MORC4: variants seen among roughly 807,000 people sequenced by gnomAD.
MORC4 encodes MORC family CW-type zinc finger 4, also known as MORC family CW-type zinc finger protein 4.
In MORC4, 22 loss-of-function variants were observed where a neutral mutation model predicts 65.5. That is an observed-to-expected ratio of 0.34 (90% CI 0.24 to 0.48). MORC4 has a LOEUF of 0.48. Among genes scored for constraint, MORC4 ranks in the 20% least tolerant of loss-of-function variants. MORC4 has a pLI of 0.99. For synonymous variants in MORC4, 267 were observed against 255.8 expected (o/e 1.04, Z -0.42); for missense variants, 624 against 703.0 (o/e 0.89, Z 1.27).
rs202090135 is a variant in MORC4 at position 106,986,166 on chromosome X, G to T, written c.343C>A (p.Gln115Lys). ...GFTDKVIKKS[Q>K]CPIGVFGNGF... ...TTACCAAAGACCCCAATGGGACACT[G>T]GCTCTTCTTTATTACTTTATCTGTA... The change falls in exon 4 of 17, where the codon CAG becomes AAG. Residue 115 changes from glutamine (Q) to lysine (K), a missense_variant. Transcript: ENST00000355610. The T allele has an allele frequency of 6.3e-5, 76 of 1,205,597 alleles. No individual in the cohort carries two copies. Among genetic ancestry groups the T allele is most frequent in the Middle Eastern group, 4.7e-4 (2 of 4,240 alleles).
intron 14 of MORC4, among the ~76,000 whole-genome samples, chrX:106,949,404 C>T (rs1406157770): frequency 3.6e-5 from 4 of 112,017 alleles, no homozygotes; most frequent in Non-Finnish European, 7.5e-5. Flanking sequence ...TATTGCTGTT[C>T]CTCCCCACCC....
intron 3 of MORC4, among the ~76,000 whole-genome samples, chrX:106,988,884 T>C (rs921539564): frequency 1.2e-4 from 13 of 111,555 alleles, no homozygotes; most frequent in African/African-American, 3.9e-4. Flanking sequence ...TCCAGAGAGG[T>C]AAATTTAAAT....
At chrX:106,953,168 G>C (rs1934018218) in intron 14 of MORC4, among the ~76,000 whole-genome samples, 1 of 111,885 alleles carries the variant, frequency 8.9e-6, no homozygotes, top group South Asian at 3.7e-4. Flanking sequence ...AATTCCAATA[G>C]AGACTGATGA....
At chrX:106,969,715 T>G (rs1934461817) in intron 9 of MORC4, among the ~76,000 whole-genome samples, 1 of 111,726 alleles carries the variant, frequency 9.0e-6, no homozygotes, top group African/African-American at 3.3e-5. Context: ...GCAAATAAAC[T>G]AGAAAATCTA....
At chrX:106,993,077 T>C (rs1260091489) in intron 3 of MORC4, among the ~76,000 whole-genome samples, 153 bp downstream of exon 3, 2 of 113,114 alleles carry the variant, frequency 1.8e-5, no homozygotes, top group Non-Finnish European at 3.7e-5. Flanking sequence ...AGGAACAGTA[T>C]TTGTTTCATA....
chrX:106,996,170 CTT>C (rs1413192438), intron 2 of MORC4, among the ~76,000 whole-genome samples: 1 of 106,406 alleles, frequency 9.4e-6, no homozygotes, highest in Non-Finnish European at 1.9e-5. Flanking sequence ...TTTGCCCAAA[CTT>C]TACTAGGTAC....
At chrX:106,976,556 G>T in intron 9 of MORC4, 28 bp downstream of exon 9, 2 of 991,373 alleles carry the variant, frequency 2.0e-6, no homozygotes, top group Non-Finnish European at 2.9e-6. Context: ...CAAACTAACG[G>T]AAGCACCTCA....
At chrX:106,956,328 A>G in intron 13 of MORC4, 152 bp downstream of exon 13, 1 of 563,536 alleles carries the variant, frequency 1.8e-6, no homozygotes. Context: ...AGCAGAGCAA[A>G]GCAAAACCAA....
chrX:106,995,531 A>G (rs983088123), intron 2 of MORC4, among the ~76,000 whole-genome samples: 1 of 112,209 alleles, frequency 8.9e-6, no homozygotes, highest in African/African-American at 3.2e-5. Flanking sequence ...TTCATTTAAC[A>G]TAATGTCCTT....
At position 106,956,519 on chromosome X, in the gene MORC4, C is replaced by T; in HGVS notation, c.1470G>A (p.Glu490=). ...SKAKKQEQTV[E]EKKKMPMENE... ...TTTCCATAGGCATCTTCTTCTTCTC[C>T]TCAACAGTTTGTTCTCTAGGAGAAG... The change falls in exon 13 of 17, where the codon GAG becomes GAA. Residue 490 remains glutamate (E), a synonymous_variant. Coordinates refer to ENST00000355610, the MANE Select transcript of MORC4 (RefSeq NM_024657.5). The T allele has an allele frequency of 4.1e-6, 5 of 1,207,341 alleles. No individual in the cohort carries two copies. The highest frequency in any genetic ancestry group is 1.7e-5 in the African/African-American group (1 of 57,786).
chrX:106,947,452 CTATTATT>C (rs1253375870), intron 14 of MORC4, among the ~76,000 whole-genome samples: 10 of 104,163 alleles, frequency 9.6e-5, no homozygotes, highest in Non-Finnish European at 1.8e-4. Flanking sequence ...AAGTCTCCAA[CTATTATT>C]GTTGAATTGT....
In MORC4 at chrX:106,946,785, C is replaced by A. The variant is rs181879835; in HGVS notation, c.1686-3580G>T. ...ACCTCAGCCTTCCAAGTAGCTGGAA[C>A]TACAGGCATACACGCCCAGCTAATT... On this transcript the variant is annotated intron_variant, in intron 14 of 16. Transcript: ENST00000355610. Among the ~76,000 whole-genome samples, 328 of 111,421 alleles carry A rather than the reference C, an allele frequency of 2.9e-3. 1 individual carries two copies. The highest frequency in any genetic ancestry group is 0.01 in the African/African-American group (311 of 30,703).
At chrX:106,961,938 C>G (rs1240066230) in intron 10 of MORC4, 74 bp downstream of exon 10, 3 of 876,056 alleles carry the variant, frequency 3.4e-6, no homozygotes, top group African/African-American at 4.0e-5. Flanking sequence ...AATCCAGACA[C>G]ATTACCCTTG....
intron 14 of MORC4, among the ~76,000 whole-genome samples, chrX:106,949,021 ATTC>A (rs902772708): frequency 7.2e-5 from 8 of 111,133 alleles, no homozygotes; most frequent in African/African-American, 2.0e-4. Flanking sequence ...TTTTCTCTCT[ATTC>A]TTCTATTATG....
At chrX:106,971,638 C>T (rs1306225341) in intron 9 of MORC4, among the ~76,000 whole-genome samples, 1 of 112,030 alleles carries the variant, frequency 8.9e-6, no homozygotes, top group Non-Finnish European at 1.9e-5. Context: ...CAAACAACCC[C>T]ATCAAAAAAT....
chrX:106,963,916 G>A (rs1297796218), intron 9 of MORC4, among the ~76,000 whole-genome samples: 1 of 108,777 alleles, frequency 9.2e-6, no homozygotes, highest in Non-Finnish European at 1.9e-5. Flanking sequence ...GCAAACCCTA[G>A]GAAAGGAGAA....
intron 10 of MORC4, among the ~76,000 whole-genome samples, chrX:106,961,204 G>A (rs1236203617): frequency 8.9e-6 from 1 of 112,151 alleles, no homozygotes; most frequent in African/African-American, 3.2e-5. Flanking sequence ...TGCTAAAAAT[G>A]TATGTCACCT....
chrX:106,947,768 A>G (rs1288361606), intron 14 of MORC4, among the ~76,000 whole-genome samples: 2 of 105,957 alleles, frequency 1.9e-5, no homozygotes, highest in Non-Finnish European at 3.9e-5. Context: ...AAAGTCCATC[A>G]GGAAGATGTA....
At chrX:106,960,049 T>G (rs1053771766) in intron 10 of MORC4, among the ~76,000 whole-genome samples, 5 of 112,298 alleles carry the variant, frequency 4.5e-5, no homozygotes, top group African/African-American at 1.6e-4. Context: ...TCCAGGCTGT[T>G]CCAGCCTTGC....
Sources: gnomAD v4.1 joint callset for allele counts (sites outside exome capture counted in the v4.1 genomes callset) on GRCh38, gnomAD v4.1.1 for gene constraint, MANE v1.5 for transcripts, NCBI Gene and HGNC (gene_info 2026-07-23, HGNC 2026-07-21) for gene names.